Variants in DGKB observed in about 807,000 individuals in gnomAD.
DGKB encodes 90 kDa diacylglycerol kinase.
DGKB carries 67 observed loss-of-function variants against 114.3 expected under a neutral mutation model. That is an observed-to-expected ratio of 0.59 (90% CI 0.48 to 0.72). The LOEUF (loss-of-function observed/expected upper bound fraction) is 0.72, where lower values mean the gene tolerates loss of function less well. DGKB is among the 30% of genes least tolerant of loss of function. The pLI is 0.00. For synonymous variants in DGKB, 398 were observed against 323.1 expected (o/e 1.23, Z -2.49); for missense variants, 907 against 975.2 (o/e 0.93, Z 0.93).
chr7:14,346,879 C>T (rs1014066045), intron 21 of DGKB, among the ~76,000 whole-genome samples: 1 of 151,898 alleles, frequency 6.6e-6, no homozygotes, highest in African/African-American at 2.4e-5. Flanking sequence ...GGTCTGAAGA[C>T]ATTCTTAATG....
chr7:14,149,976 C>G (rs567118289), intron 25 of DGKB, among the ~76,000 whole-genome samples: 1 of 152,222 alleles, frequency 6.6e-6, no homozygotes, highest in Non-Finnish European at 1.5e-5. Flanking sequence ...CTGCAATTTT[C>G]TCTAATTCGA....
intron 6 of DGKB, among the ~76,000 whole-genome samples, chr7:14,709,775 A>G (rs1481149139): frequency 1.5e-5 from 2 of 133,438 alleles, no homozygotes; most frequent in Non-Finnish European, 3.1e-5. Flanking sequence ...ATGAGATCAC[A>G]TGGACACAGG....
At chr7:14,864,970 C>A (rs1851498693) in intron 1 of DGKB, among the ~76,000 whole-genome samples, 1 of 152,066 alleles carries the variant, frequency 6.6e-6, no homozygotes, top group Admixed American at 6.6e-5. Flanking sequence ...AATGAGAATG[C>A]CTTGCATGGG....
At chr7:14,416,038 T>C (rs375673709) in intron 21 of DGKB, among the ~76,000 whole-genome samples, 2,282 of 152,264 alleles carry the variant, frequency 0.015, 53 homozygotes, top group African/African-American at 0.047. Context: ...TGAGCATTTT[T>C]TCATGTGTTT....
intron 23 of DGKB, among the ~76,000 whole-genome samples, chr7:14,325,281 G>C (rs571707425): frequency 2.4e-4 from 36 of 152,202 alleles, no homozygotes; most frequent in African/African-American, 8.4e-4. Context: ...CTAGATCAGT[G>C]GGGGGTCATC....
chr7:14,895,420 TC>T, intron 1 of DGKB, among the ~76,000 whole-genome samples: 1 of 151,642 alleles, frequency 6.6e-6, no homozygotes, highest in Middle Eastern at 3.4e-3. Flanking sequence ...GCAGGAGTGG[TC>T]CTTATGCCTC....
At position 14,729,325 on chromosome 7, in the gene DGKB, T is replaced by C. The variant is rs968120574; in HGVS notation, c.322+6716A>G. ...TTTTAGTAGAGACCAGGTTTCACCGTGTTAGCCAGGATGGTCTCGATCTCC... is the reference window on the plus strand; with the variant it reads ...TTTTAGTAGAGACCAGGTTTCACCGCGTTAGCCAGGATGGTCTCGATCTCC... On this transcript the variant is annotated intron_variant, in intron 5 of 25. Coordinates refer to ENST00000402815, the MANE Select transcript of DGKB (RefSeq NM_001350709.2). Among the ~76,000 whole-genome samples, 4 of 151,808 alleles carry C rather than the reference T, an allele frequency of 2.6e-5. No individual in the cohort carries two copies. In the South Asian group the frequency reaches 8.3e-4, roughly 31 times the overall value.
In DGKB at chr7:14,694,143, A is replaced by G. The variant is rs1333069339; in HGVS notation, c.643T>C (p.Ser215Pro). The G allele has an allele frequency of 1.9e-6, 3 of 1,589,652 alleles. No homozygotes were observed. Among genetic ancestry groups the G allele is most frequent in the Non-Finnish European group, 1.7e-6 (2 of 1,166,358 alleles). The change falls in exon 9 of 26, where the codon TCT becomes CCT. Residue 215 changes from serine (S) to proline (P), a missense_variant. By Grantham distance (74) the Ser-to-Pro change is moderately conservative. This residue lies in a region of DGKB where 814 missense variants were observed against 856.6 expected (regional missense o/e 0.95). Transcript: ENST00000402815. ...EIDYDHDGTV[S>P]LEEWIQGGMT... ...CCTCCTTGAATCCATTCCTCCAGAG[A>G]CACGGTTCCATCATGATCATAGTCA...
intron 20 of DGKB, among the ~76,000 whole-genome samples, chr7:14,478,430 A>C (rs73679792): frequency 0.024 from 3,704 of 152,278 alleles, 141 homozygotes; most frequent in African/African-American, 0.085. Context: ...TGATTTACGT[A>C]ATAATTTCAC....
At chr7:14,581,050 A>C in intron 18 of DGKB, 99 bp from the exon 19 acceptor site, 1 of 665,888 alleles carries the variant, frequency 1.5e-6, no homozygotes, top group South Asian at 2.4e-5. Context: ...AAGGAATTCC[A>C]ATAGGTACTC....
intron 23 of DGKB, among the ~76,000 whole-genome samples, chr7:14,278,438 A>T (rs1799350605): frequency 6.6e-6 from 1 of 152,216 alleles, no homozygotes; most frequent in African/African-American, 2.4e-5. Flanking sequence ...CCGGATATCC[A>T]CGTGCAGAGG....
intron 4 of DGKB, 45 bp downstream of exon 4, chr7:14,753,883 T>G (rs1432844897): frequency 8.5e-7 from 1 of 1,182,536 alleles, no homozygotes; most frequent in Non-Finnish European, 1.2e-6. Context: ...CATATCAGAA[T>G]AAAGAAAGAA....
chr7:14,625,516 T>G (rs1261573383), intron 14 of DGKB, among the ~76,000 whole-genome samples: 1 of 133,182 alleles, frequency 7.5e-6, no homozygotes, highest in African/African-American at 2.7e-5. Context: ...TTGAAGTTAT[T>G]GAAAGTTTCA....
chr7:14,864,893 A>G (rs1159253286), intron 1 of DGKB, among the ~76,000 whole-genome samples: 1 of 152,150 alleles, frequency 6.6e-6, no homozygotes, highest in African/African-American at 2.4e-5. Context: ...GGAGAATTTC[A>G]TGGTTTCATT....
rs150786975 is a variant in DGKB, at chr7:14,633,631, G to A, written c.1135-3363C>T. Reference sequence around the variant, plus strand: ...TACTTAATTTTTAAATATCAAAGATGAGCAGAGTAAATGTTTTGGTTTTTT... The same window carrying A: ...TACTTAATTTTTAAATATCAAAGATAAGCAGAGTAAATGTTTTGGTTTTTT... On this transcript the variant is annotated intron_variant, in intron 13 of 25. Coordinates refer to ENST00000402815, the MANE Select transcript of DGKB (RefSeq NM_001350709.2). Among the ~76,000 whole-genome samples, 22 of 151,844 alleles carry A rather than the reference G, an allele frequency of 1.4e-4. No individual in the cohort carries two copies. In the East Asian group the frequency reaches 3.7e-3, roughly 25 times the overall value.
chr7:14,383,737 G>A (rs993493708), intron 21 of DGKB, among the ~76,000 whole-genome samples: 11 of 152,258 alleles, frequency 7.2e-5, no homozygotes, highest in African/African-American at 2.2e-4. Flanking sequence ...TTTTGCATAC[G>A]TCTCACAGGT....
chr7:14,872,194 T>C (rs1852571815), intron 1 of DGKB, among the ~76,000 whole-genome samples: 1 of 152,204 alleles, frequency 6.6e-6, no homozygotes, highest in South Asian at 2.1e-4. Context: ...TGCGTAAATA[T>C]GCAACTTATA....
intron 12 of DGKB, among the ~76,000 whole-genome samples, chr7:14,677,125 G>A (rs922814827): frequency 6.6e-6 from 1 of 152,000 alleles, no homozygotes; most frequent in Non-Finnish European, 1.5e-5. Flanking sequence ...AGAAAAAGCT[G>A]TCTCAAGATA....
At chr7:14,261,033 C>A (rs985952875) in intron 23 of DGKB, among the ~76,000 whole-genome samples, 3 of 152,066 alleles carry the variant, frequency 2.0e-5, no homozygotes, top group Admixed American at 6.5e-5. Flanking sequence ...GAATAAATGA[C>A]AAACCCTATC....
Sources: allele counts gnomAD v4.1 joint callset (sites outside exome capture counted in the v4.1 genomes callset), GRCh38; gene constraint gnomAD v4.1.1; regional missense constraint gnomAD v4.1.1; transcripts MANE v1.5; gene names NCBI Gene and HGNC (gene_info 2026-07-23, HGNC 2026-07-21).